Variants in GKAP1 observed in about 807,000 individuals in gnomAD.
GKAP1 encodes the protein G kinase anchoring protein 1.
A neutral mutation model predicts 56.7 loss-of-function variants in GKAP1; 31 were observed. That is an observed-to-expected ratio of 0.55 (90% CI 0.41 to 0.74). The LOEUF is 0.74. Ranked by LOEUF, GKAP1 falls within the 30% of genes least tolerant of loss-of-function variation. GKAP1 has a pLI of 0.00. For synonymous variants in GKAP1, 151 were observed against 138.6 expected, an observed-to-expected ratio of 1.09 and a Z score of -0.63; for missense variants, 364 against 402.3, an observed-to-expected ratio of 0.90 and a Z score of 0.82.
intron 5 of GKAP1, 79 bp from the exon 6 acceptor site, chr9:83,784,917 A>C (rs776356581): frequency 8.7e-7 from 1 of 1,146,454 alleles, no homozygotes; most frequent in Non-Finnish European, 1.2e-6. Flanking sequence ...TATGTTTCTT[A>C]AAGTTTATTT....
intron 7 of GKAP1, among the ~76,000 whole-genome samples, chr9:83,777,044 A>G (rs565725090): frequency 6.6e-6 from 1 of 152,214 alleles, no homozygotes; most frequent in African/African-American, 2.4e-5. Flanking sequence ...TAATTTTTAC[A>G]TAAGTAGTAC....
chr9:83,799,125 C>G, intron 4 of GKAP1, 60 bp downstream of exon 4: 1 of 1,421,838 alleles, frequency 7.0e-7, no homozygotes, highest in Non-Finnish European at 9.9e-7. Context: ...AGAGGCACTG[C>G]CATGTGAAAA....
chr9:83,783,183 C>T (rs1215939450), intron 6 of GKAP1, among the ~76,000 whole-genome samples: 1 of 151,954 alleles, frequency 6.6e-6, no homozygotes, highest in Non-Finnish European at 1.5e-5. Flanking sequence ...AATATTTATC[C>T]TCACAGAACA....
intron 4 of GKAP1, among the ~76,000 whole-genome samples, chr9:83,797,764 T>A (rs913849027): frequency 6.6e-6 from 1 of 152,234 alleles, no homozygotes; most frequent in African/African-American, 2.4e-5. Context: ...CAAGTTCCCA[T>A]GTTGCATGGA....
rs1163961809 is a variant in GKAP1, at chr9:83,742,720, G to A, written c.905-120C>T. 5.4e-6 allele frequency: 3 copies of A among 560,560 alleles called. No homozygotes were observed. The South Asian group carries it at 8.4e-5, about 16-fold the overall frequency. The allele number at this position is 560,560 out of a possible 1,614,324, so 34.7% of individuals were successfully genotyped here. On this transcript the variant is annotated intron_variant, in intron 10 of 12. Coordinates refer to ENST00000376371, the MANE Select transcript of GKAP1 (RefSeq NM_025211.4). ...ACAATGATTTCTTGTCATACTTAAA[G>A]AATCTACTTCTTGACCTTGCATAGC...
At chr9:83,795,050 G>T (rs35993237) in intron 4 of GKAP1, among the ~76,000 whole-genome samples, 1 of 151,650 alleles carries the variant, frequency 6.6e-6, no homozygotes, top group African/African-American at 2.4e-5. Flanking sequence ...CAGCTACTCA[G>T]GAGGCTGAGG....
rs1944643672 is a variant in GKAP1 at position 83,817,609 on chromosome 9, G to A, written c.-268C>T. ...TCCCCGGGCGGCCGCACTGGGCGTT[G>A]GGACTGGTCTGGGTCAAGTGTCGGC... On this transcript the variant is annotated 5_prime_UTR_variant, in exon 1 of 13. Transcript: ENST00000376371. The A allele has an allele frequency of 6.6e-6, 1 of 151,566 alleles. No homozygotes were observed. Among genetic ancestry groups the A allele is most frequent in the Admixed American group, 6.6e-5 (1 of 15,214 alleles). The allele number at this position is 151,566 out of a possible 1,614,324, so 9.4% of individuals were successfully genotyped here.
At chr9:83,781,618 A>T (rs1943973272) in intron 6 of GKAP1, among the ~76,000 whole-genome samples, 1 of 152,176 alleles carries the variant, frequency 6.6e-6, no homozygotes, top group Non-Finnish European at 1.5e-5. Flanking sequence ...TAAATTAGAC[A>T]GTCACTCTTC....
chr9:83,805,752 CCTTTT>C (rs1302101638), intron 3 of GKAP1, among the ~76,000 whole-genome samples: 4 of 152,142 alleles, frequency 2.6e-5, no homozygotes, highest in East Asian at 1.9e-4. Context: ...TGACCTGTTT[CCTTTT>C]AAGACTTTCC....
chr9:83,809,677 A>G (rs1265553066), intron 2 of GKAP1, among the ~76,000 whole-genome samples: 1 of 152,246 alleles, frequency 6.6e-6, no homozygotes, highest in Non-Finnish European at 1.5e-5. Context: ...ATGCATTTTC[A>G]GCAGCATCAA....
At chr9:83,780,753 C>CAA (rs1240927516) in intron 6 of GKAP1, among the ~76,000 whole-genome samples, 2 of 151,972 alleles carry the variant, frequency 1.3e-5, no homozygotes, top group East Asian at 3.9e-4. Flanking sequence ...CAAGGGGACA[C>CAA]AAGTATGTCC....
chr9:83,770,224 G>A (rs987426097), intron 7 of GKAP1, among the ~76,000 whole-genome samples: 4 of 152,122 alleles, frequency 2.6e-5, no homozygotes, highest in African/African-American at 9.7e-5. Flanking sequence ...TTTTATCCAA[G>A]AAACCATTGC....
chr9:83,759,762 G>A (rs1943537879), intron 8 of GKAP1, among the ~76,000 whole-genome samples: 2 of 152,086 alleles, frequency 1.3e-5, no homozygotes, highest in Admixed American at 6.6e-5. Context: ...GTATGTTAAT[G>A]CTGTTCTATA....
intron 4 of GKAP1, among the ~76,000 whole-genome samples, chr9:83,798,972 CT>C (rs1364851323): frequency 6.6e-6 from 1 of 152,166 alleles, no homozygotes; most frequent in Non-Finnish European, 1.5e-5. Flanking sequence ...AAAATAACTG[CT>C]TCCTATTGTC....
At chr9:83,785,263 ACT>A (rs1237103227) in intron 5 of GKAP1, among the ~76,000 whole-genome samples, 1 of 151,716 alleles carries the variant, frequency 6.6e-6, no homozygotes, top group Middle Eastern at 3.2e-3. Context: ...TACATTTCTG[ACT>A]ACTGCTAAGT....
intron 12 of GKAP1, 137 bp downstream of exon 12, chr9:83,741,815 T>C (rs1943213640): frequency 1.7e-6 from 1 of 603,932 alleles, no homozygotes; most frequent in Non-Finnish European, 2.9e-6. Context: ...GTAAATTATA[T>C]GACCGATAAT....
In GKAP1 at chr9:83,806,540, T is replaced by C. The variant is rs1206689853; in HGVS notation, c.-23A>G. Reference sequence around the variant, plus strand: ...CATCGTAAAGATTTTTCTTTTAAAATACTTCTGTCAAGAATAATTTCTGTG... The same window carrying C: ...CATCGTAAAGATTTTTCTTTTAAAACACTTCTGTCAAGAATAATTTCTGTG... On this transcript the variant is annotated 5_prime_UTR_variant, in exon 3 of 13. Coordinates refer to ENST00000376371, the MANE Select transcript of GKAP1 (RefSeq NM_025211.4). 1 of 1,600,308 alleles carries C rather than the reference T, an allele frequency of 6.2e-7. No homozygotes were observed. Among genetic ancestry groups the C allele is most frequent in the Non-Finnish European group, 8.5e-7 (1 of 1,170,702 alleles).
At chr9:83,742,687 C>T (rs1250842117) in intron 10 of GKAP1, 87 bp from the exon 11 acceptor site, 21 of 694,454 alleles carry the variant, frequency 3.0e-5, no homozygotes, top group Non-Finnish European at 5.2e-5. Context: ...CATAGCAGTG[C>T]AATTAGAACA....
At chr9:83,814,238 AC>A (rs1305949242) in intron 2 of GKAP1, among the ~76,000 whole-genome samples, 2 of 152,198 alleles carry the variant, frequency 1.3e-5, no homozygotes, top group South Asian at 2.1e-4. Context: ...TTCTCTAGCA[AC>A]CCTCTTTCTT....
Sources: allele counts gnomAD v4.1 joint callset (sites outside exome capture counted in the v4.1 genomes callset), GRCh38; gene constraint gnomAD v4.1.1; transcripts MANE v1.5; gene names NCBI Gene and HGNC (gene_info 2026-07-23, HGNC 2026-07-21).